Variants in ABCB11 observed in about 807,000 individuals in gnomAD.
ABCB11 encodes bile salt export pump.
In ABCB11, 95 loss-of-function variants were observed where a neutral mutation model predicts 148.0. The ratio of observed to expected loss-of-function variants is 0.64; its 90% CI spans 0.54 to 0.76. The LOEUF is 0.76. Among genes scored for constraint, ABCB11 ranks in the 30% least tolerant of loss-of-function variants. The pLI is 0.00. For synonymous variants in ABCB11, 591 were observed against 555.4 expected (o/e 1.06, Z -0.90); for missense variants, 1,523 against 1,617.8 (o/e 0.94, Z 1.01).
intron 7 of ABCB11, 135 bp downstream of exon 7, chr2:168,995,214 C>A (rs1181296676): frequency 3.0e-6 from 3 of 1,010,388 alleles, no homozygotes; most frequent in Admixed American, 3.0e-5. Flanking sequence ...AAAAGCCATG[C>A]CACATATGAA....
intron 4 of ABCB11, 67 bp downstream of exon 4, chr2:169,014,236 C>A (rs1165660591): frequency 2.3e-5 from 25 of 1,087,764 alleles, no homozygotes; most frequent in Admixed American, 7.2e-5. Context: ...AGATTTAACA[C>A]TCCCCTCATG....
In ABCB11 at chr2:168,958,079, C is replaced by G. The variant is rs372228971; in HGVS notation, c.2228G>C (p.Arg743Thr). The change falls in exon 19 of 28, where the codon AGG becomes ACG. Residue 743 changes from arginine to threonine, a missense_variant. Physicochemically the swap from Arg to Thr is moderately conservative, Grantham distance 71 (BLOSUM62 -1). Transcript: ENST00000650372. ...TTCTGGAGCACTGAATTTCAGAATC[C>G]TCCTAACTGGGGCAGGTTCAACTTC... Reference protein sequence around the residue: ...QEEVEPAPVRRILKFSAPEWP... With the variant: ...QEEVEPAPVRTILKFSAPEWP... The G allele has an allele frequency of 2.7e-5, 43 of 1,611,110 alleles. No homozygotes were observed. Among genetic ancestry groups the G allele is most frequent in the Non-Finnish European group, 1.4e-5 (16 of 1,178,184 alleles).
chr2:168,956,920 C>T (rs1692821416), intron 19 of ABCB11, among the ~76,000 whole-genome samples: 1 of 151,592 alleles, frequency 6.6e-6, no homozygotes, highest in South Asian at 2.1e-4. Context: ...ATCCAAAAGC[C>T]TCTTGTGGCT....
At chr2:168,975,108 A>G (rs1280154724) in intron 12 of ABCB11, among the ~76,000 whole-genome samples, 7 of 26,316 alleles carry the variant, frequency 2.7e-4, no homozygotes, top group African/African-American at 9.0e-4. Context: ...TTTATAGATA[A>G]ATGTATAAAC....
Position 169,016,979 on chromosome 2 carries a change from TACACAC to T in ABCB11, c.77-186_77-181del, listed in dbSNP as rs71397686. On this transcript the variant is annotated intron_variant, in intron 2 of 27. Coordinates refer to ENST00000650372, the MANE Select transcript of ABCB11 (RefSeq NM_003742.4). ...CTCATATTGTCTCTCTCTATCTTTCTACACACACACACACACACACACACACACACA... is the reference window on the plus strand; with the variant it reads ...CTCATATTGTCTCTCTCTATCTTTCTACACACACACACACACACACACACA... Among the ~76,000 whole-genome samples, 4,876 of 138,064 alleles carry T rather than the reference TACACAC, an allele frequency of 0.035. 135 individuals carry two copies. Among genetic ancestry groups the T allele is most frequent in the African/African-American group, 0.073 (2,683 of 36,666 alleles). 90.6% of individuals were successfully genotyped at this position (138,064 alleles called of 152,430 possible). A position where few individuals can be genotyped will look rare whatever the true frequency, so the allele number is the denominator to read the frequency against.
chr2:168,936,214 A>G lies in ABCB11; in HGVS notation c.2814+16T>C. The G allele has an allele frequency of 6.2e-7, 1 of 1,609,490 alleles. No homozygotes were observed. Among genetic ancestry groups the G allele is most frequent in the Non-Finnish European group, 8.5e-7 (1 of 1,176,542 alleles). The stretch of plus-strand genomic sequence containing the variant: ...CTCAGCCATGAGGAATGGGAAAATT[A>G]GATCTGCAAGATTACCTGTCCCACC... On this transcript the variant is annotated intron_variant, in intron 22 of 27. Transcript: ENST00000650372.
Position 168,932,514 on chromosome 2 carries a change from G to A in ABCB11, c.3076C>T (p.Leu1026=). 6.2e-7 allele frequency: 1 copy of A among 1,613,618 alleles called. No individual in the cohort carries two copies. The highest frequency in any genetic ancestry group is 8.5e-7 in the Non-Finnish European group (1 of 1,179,766). The change falls in exon 24 of 28, where the codon CTG becomes TTG. Residue 1026 remains leucine, a synonymous_variant. Coordinates refer to ENST00000650372, the MANE Select transcript of ABCB11 (RefSeq NM_003742.4). ...GCTCTTCCAAGAGCTGTTGCACTCA[G>A]TACAACTGCAGAGATCACCCTGTAA... ...YVFRVISAVV[L]SATALGRAFS...
intron 25 of ABCB11, among the ~76,000 whole-genome samples, chr2:168,929,621 G>A (rs962131817): frequency 6.6e-6 from 1 of 152,096 alleles, no homozygotes; most frequent in Non-Finnish European, 1.5e-5. Flanking sequence ...AACTTAAGAG[G>A]TAAAAGAAGT....
chr2:168,964,589 C>T (rs1269682368), intron 17 of ABCB11, among the ~76,000 whole-genome samples: 1 of 149,608 alleles, frequency 6.7e-6, no homozygotes, highest in South Asian at 2.1e-4. Context: ...AGCTGTCCTA[C>T]CAGTTCATCA....
At chr2:168,968,229 T>A (rs202041989) in intron 17 of ABCB11, among the ~76,000 whole-genome samples, 198 bp downstream of exon 17, 1 of 150,898 alleles carries the variant, frequency 6.6e-6, no homozygotes, top group Admixed American at 6.6e-5. Flanking sequence ...GATGAGAAGC[T>A]AACCAAAAAC....
chr2:169,014,212 GC>G (rs1326975638), intron 4 of ABCB11, 90 bp downstream of exon 4: 1 of 1,297,348 alleles, frequency 7.7e-7, no homozygotes, highest in Non-Finnish European at 1.1e-6. Flanking sequence ...TTAAAAACCT[GC>G]CAATATGACT....
chr2:169,029,584 T>A (rs114424682), intron 1 of ABCB11, among the ~76,000 whole-genome samples: 4 of 152,080 alleles, frequency 2.6e-5, no homozygotes, highest in Non-Finnish European at 5.9e-5. Flanking sequence ...TACACGGTGA[T>A]CCCATTGGCC....
At chr2:168,918,214 A>G (rs905005757), downstream of ABCB11, among the ~76,000 whole-genome samples, 1 of 152,178 alleles carries the variant, frequency 6.6e-6, no homozygotes, top group Non-Finnish European at 1.5e-5. Flanking sequence ...GACTTTGAGA[A>G]GACTATTCAA....
At position 168,944,657 on chromosome 2, in the gene ABCB11, CTATTTCTGAGGTCATCAAACCAGGCAA is replaced by C. The variant is rs1489244585; in HGVS notation, c.2531_2557del (p.Ile844_Asn852del). On this transcript the variant is annotated inframe_deletion, in exon 21 of 28. Coordinates refer to ENST00000650372, the MANE Select transcript of ABCB11 (RefSeq NM_003742.4). ...AAGTCTTGTTGTCAATGCTCCAGGG[CTATTTCTGAGGTCATCAAACCAGGCAA>C]TATCTTGCCCCAGCATTGCCCTGAA... The C allele has an allele frequency of 6.2e-7, 1 of 1,612,618 alleles. No individual in the cohort carries two copies. The highest frequency in any genetic ancestry group is 8.5e-7 in the Non-Finnish European group (1 of 1,179,110).
At chr2:168,989,777 C>T (rs1694448963) in intron 9 of ABCB11, among the ~76,000 whole-genome samples, 1 of 151,980 alleles carries the variant, frequency 6.6e-6, no homozygotes, top group Non-Finnish European at 1.5e-5. Flanking sequence ...TATTGAGGTA[C>T]ATTCTTTTTA....
chr2:169,008,608 T>C (rs1695089099), intron 5 of ABCB11, among the ~76,000 whole-genome samples: 1 of 152,200 alleles, frequency 6.6e-6, no homozygotes, highest in South Asian at 2.1e-4. Flanking sequence ...GGGGTCATTA[T>C]TCTACCTATG....
At position 168,944,601 on chromosome 2, in the gene ABCB11, T is replaced by A; in HGVS notation, c.2610+4A>T. 1 of 1,597,590 alleles carries A rather than the reference T, an allele frequency of 6.3e-7. No individual in the cohort carries two copies. On this transcript the variant is annotated splice_donor_region_variant and intron_variant, in intron 21 of 27. Transcript: ENST00000650372. ...ATACTTCTATTTCCCCTCCCATAGC[T>A]CACCCCTTGAACTTGGGAAGCATCT...
intron 15 of ABCB11, among the ~76,000 whole-genome samples, chr2:168,969,807 T>C (rs983233318): frequency 2.0e-5 from 3 of 152,056 alleles, no homozygotes; most frequent in African/African-American, 4.8e-5. Context: ...CATAAGCTAG[T>C]CTTAACAAGA....
Position 168,936,340 on chromosome 2 carries a change from G to A in ABCB11, c.2704C>T (p.Leu902=), listed in dbSNP as rs563877465. 6 of 1,613,962 alleles carry A rather than the reference G, an allele frequency of 3.7e-6. No individual in the cohort carries two copies. In the East Asian group the frequency reaches 1.3e-4, roughly 36 times the overall value. Residue 902 remains leucine, a synonymous_variant, in exon 22 of 28, where the codon CTG becomes TTG. Transcript: ENST00000650372. ...AAGGGGAAGAAGCACAAGATGACCA[G>A]GCTCAGCTTCCAGCTAAAGGAGAAG... ...IAFSFSWKLS[L]VILCFFPFLA...
Sources: gnomAD v4.1 joint callset for allele counts (sites outside exome capture counted in the v4.1 genomes callset) on GRCh38, gnomAD v4.1.1 for gene constraint, MANE v1.5 for transcripts, NCBI Gene and HGNC (gene_info 2026-07-23, HGNC 2026-07-21) for gene names.